Variants in CFAP69 observed in about 807,000 individuals in gnomAD.
CFAP69 encodes cilia- and flagella-associated protein 69.
In CFAP69, 92 loss-of-function variants were observed where a neutral mutation model predicts 123.0. The ratio of observed to expected loss-of-function variants is 0.75; its 90% CI spans 0.63 to 0.89. CFAP69 has a LOEUF of 0.89. Ranked by LOEUF, CFAP69 falls within the 40% of genes least tolerant of loss-of-function variation. The pLI is 0.00. For missense variants in CFAP69, 1,067 were observed against 1,096.9 expected, an observed-to-expected ratio of 0.97 and a Z score of 0.39; for synonymous variants, 380 against 364.3, an observed-to-expected ratio of 1.04 and a Z score of -0.49.
chr7:90,269,340 T>C (rs1326877967), intron 6 of CFAP69, among the ~76,000 whole-genome samples: 1 of 152,090 alleles, frequency 6.6e-6, no homozygotes, highest in African/African-American at 2.4e-5. Flanking sequence ...ATGGTTGAGT[T>C]TGCCAAGAGA....
At chr7:90,272,804 A>G (rs1800151756) in intron 8 of CFAP69, among the ~76,000 whole-genome samples, 1 of 152,058 alleles carries the variant, frequency 6.6e-6, no homozygotes, top group African/African-American at 2.4e-5. Flanking sequence ...CAAGCAGAAG[A>G]GAAACCTTGC....
intron 6 of CFAP69, 106 bp downstream of exon 6, chr7:90,268,490 C>A: frequency 3.8e-6 from 3 of 780,338 alleles, no homozygotes; most frequent in Non-Finnish European, 6.0e-6. Flanking sequence ...AAATGTAACA[C>A]ATTAAAAAGA....
chr7:90,304,641 AGGT>A, intron 18 of CFAP69, 100 bp from the exon 19 acceptor site: 7 of 1,399,518 alleles, frequency 5.0e-6, no homozygotes, highest in Middle Eastern at 2.1e-4. Context: ...GTTTTTAGAT[AGGT>A]AGATAGATAG....
At chr7:90,265,823 T>G (rs1474816985) in intron 5 of CFAP69, among the ~76,000 whole-genome samples, 4 of 152,162 alleles carry the variant, frequency 2.6e-5, no homozygotes, top group Non-Finnish European at 4.4e-5. Flanking sequence ...TTCAGCATAA[T>G]GCACATAAAG....
At chr7:90,313,853 C>T (rs1240436202), downstream of CFAP69, among the ~76,000 whole-genome samples, 1 of 152,078 alleles carries the variant, frequency 6.6e-6, no homozygotes, top group Admixed American at 6.5e-5. Context: ...GACTTCTTTC[C>T]AGAGGATGTA....
At chr7:90,277,361 CAAT>C in intron 11 of CFAP69, 27 bp downstream of exon 11, 1 of 1,435,026 alleles carries the variant, frequency 7.0e-7, no homozygotes, top group Non-Finnish European at 9.2e-7. Context: ...GCAGGAAAAT[CAAT>C]AAAAATTGTC....
chr7:90,316,224 C>G, the CFAP69 span, among the ~76,000 whole-genome samples: 1 of 152,160 alleles, frequency 6.6e-6, no homozygotes, highest in Admixed American at 6.5e-5. Context: ...CACCTTTTTT[C>G]TCCTCAGCCT....
intron 1 of CFAP69, chr7:90,252,168 A>G (rs1412095753): frequency 1.3e-5 from 2 of 151,054 alleles, no homozygotes; most frequent in African/African-American, 4.9e-5. Context: ...AAAATCTGAG[A>G]GTGTAGGAGG....
intron 17 of CFAP69, 79 bp from the exon 18 acceptor site, chr7:90,303,890 C>T (rs1793174832): frequency 9.2e-6 from 13 of 1,407,468 alleles, no homozygotes; most frequent in South Asian, 1.6e-5. Context: ...GTTATCTAGA[C>T]TAAAATCTCA....
downstream of CFAP69, chr7:90,312,351 G>A (rs1161029997): frequency 6.6e-6 from 1 of 152,128 alleles, no homozygotes; most frequent in Non-Finnish European, 1.5e-5. Context: ...ACCAAGGTGT[G>A]GAAATAGTAT....
rs746843204 is a variant in CFAP69 at position 90,268,301 on chromosome 7, T to C, written c.449T>C (p.Ile150Thr). The change falls in exon 6 of 23, where the codon ATA becomes ACA. Residue 150 changes from isoleucine (I) to threonine (T), a missense_variant. Coordinates refer to ENST00000389297, the MANE Select transcript of CFAP69 (RefSeq NM_001039706.3). Reference sequence around the variant, plus strand: ...TTTCTGGCAGGTGACTTAATGAAAATACCAAGTTCTGAATTGAGGATACAA... The same window carrying C: ...TTTCTGGCAGGTGACTTAATGAAAACACCAAGTTCTGAATTGAGGATACAA... ...SIALLGDLMKIPSSELRIQIC... is the reference protein window; with the variant it reads ...SIALLGDLMKTPSSELRIQIC... 6.2e-7 allele frequency: 1 copy of C among 1,607,276 alleles called. No homozygotes were observed. Among genetic ancestry groups the C allele is most frequent in the South Asian group, 1.1e-5 (1 of 89,800 alleles).
intron 1 of CFAP69, among the ~76,000 whole-genome samples, chr7:90,251,633 A>G (rs948739384): frequency 6.6e-6 from 1 of 152,060 alleles, no homozygotes; most frequent in African/African-American, 2.4e-5. Flanking sequence ...TGAGGTGAGG[A>G]CATTGTTATT....
At chr7:90,314,496 G>A (rs1478661156), downstream of CFAP69, among the ~76,000 whole-genome samples, 1 of 151,798 alleles carries the variant, frequency 6.6e-6, no homozygotes, top group Admixed American at 6.6e-5. Context: ...TGGTGGTGTA[G>A]ACCACAACCG....
In CFAP69 at chr7:90,275,568, G is replaced by A. The variant is rs561581898; in HGVS notation, c.984+1458G>A. On this transcript the variant is annotated intron_variant, in intron 9 of 22. Coordinates refer to ENST00000389297, the MANE Select transcript of CFAP69 (RefSeq NM_001039706.3). ...AGCATTTCCACGAGGTGTAGAATAC[G>A]GCCTGCTCTCAGGCCAAAAGCCTTT... Among the ~76,000 whole-genome samples, 13 of 148,024 alleles carry A rather than the reference G, an allele frequency of 8.8e-5. 1 individual carries two copies. In the South Asian group the frequency reaches 2.8e-3, roughly 32 times the overall value.
rs1375955571 is a variant in CFAP69, at chr7:90,245,527, G to A, written c.103G>A (p.Glu35Lys). ...SQIPVVGVVT[E>K]DDEAQDVFKP... is the part of the protein sequence containing the mutation. ...AATCCCGGTGGTTGGGGTGGTGACGGAGGACGATGAGGCGCAGGTATGAGC... is the reference window on the plus strand; with the variant it reads ...AATCCCGGTGGTTGGGGTGGTGACGAAGGACGATGAGGCGCAGGTATGAGC... Residue 35 changes from glutamate to lysine, a missense_variant, in exon 1 of 23, where the codon GAG becomes AAG. Physicochemically the swap from Glu to Lys is moderately conservative, Grantham distance 56. Transcript: ENST00000389297. 2 of 1,514,784 alleles carry A rather than the reference G, an allele frequency of 1.3e-6. No homozygotes were observed. 93.8% of individuals were successfully genotyped at this position (1,514,784 alleles called of 1,614,324 possible).
At chr7:90,294,639 T>A (rs546197441) in intron 15 of CFAP69, among the ~76,000 whole-genome samples, 1 of 152,166 alleles carries the variant, frequency 6.6e-6, no homozygotes, top group Non-Finnish European at 1.5e-5. Context: ...TTTTAGTTTT[T>A]TGGGGGACTT....
chr7:90,275,714 G>T (rs1041840849), intron 9 of CFAP69, among the ~76,000 whole-genome samples: 1 of 138,056 alleles, frequency 7.2e-6, no homozygotes, highest in South Asian at 2.3e-4. Flanking sequence ...CCATTCTCCT[G>T]CCTCAGTCTC....
the CFAP69 span, among the ~76,000 whole-genome samples, chr7:90,322,816 AAC>A: frequency 7.2e-5 from 11 of 152,252 alleles, no homozygotes; most frequent in South Asian, 2.1e-3. Context: ...TGATTATTAT[AAC>A]ACACACACAG....
chr7:90,271,485 T>C (rs895076967), intron 6 of CFAP69, 41 bp from the exon 7 acceptor site: 1 of 1,552,374 alleles, frequency 6.4e-7, no homozygotes, highest in African/African-American at 1.4e-5. Context: ...ATGATCATTC[T>C]GTGAGATAAC....
Sources: allele counts gnomAD v4.1 joint callset (sites outside exome capture counted in the v4.1 genomes callset), GRCh38; gene constraint gnomAD v4.1.1; transcripts MANE v1.5; gene names NCBI Gene and HGNC (gene_info 2026-07-23, HGNC 2026-07-21).